The following THNSL1 variants were observed in gnomAD, a reference collection of about 807,000 sequenced individuals.
The protein encoded by THNSL1 is threonine synthase-like 1.
Under a neutral mutation model 50.4 loss-of-function variants are expected in THNSL1, and 48 were observed. The observed-to-expected ratio is 0.95, with a 90% confidence interval of 0.76 to 1.21. The LOEUF is 1.21. THNSL1 is among the 50% of genes most tolerant of loss of function. THNSL1 has a pLI of 0.00. For synonymous variants in THNSL1, 309 were observed against 306.1 expected (o/e 1.01, Z -0.10); for missense variants, 896 against 871.7 (o/e 1.03, Z -0.35).
chr10:24,983,481 GCCTAC>G, the THNSL1 span: 34 of 152,272 alleles, frequency 2.2e-4, no homozygotes, highest in African/African-American at 7.5e-4. Context: ...ACAGCTGTTA[GCCTAC>G]CCTAAATAGC....
At chr10:25,009,959 G>C in the THNSL1 span, among the ~76,000 whole-genome samples, 1 of 152,100 alleles carries the variant, frequency 6.6e-6, no homozygotes, top group Non-Finnish European at 1.5e-5. Flanking sequence ...AGTAGTATGA[G>C]AACAGACTAA....
chr10:24,982,101 AT>A, the THNSL1 span: 1 of 152,212 alleles, frequency 6.6e-6, no homozygotes, highest in South Asian at 2.1e-4. Context: ...CTTCTCCCCC[AT>A]AAGCTTGAAA....
At chr10:24,993,801 G>A in the THNSL1 span, among the ~76,000 whole-genome samples, 3,817 of 152,248 alleles carry the variant, frequency 0.025, 153 homozygotes, top group African/African-American at 0.087. Flanking sequence ...CCTGTTGAAG[G>A]TAGAAAATGC....
upstream of THNSL1, among the ~76,000 whole-genome samples, chr10:25,013,903 T>A (rs952371225): frequency 1.3e-5 from 2 of 151,732 alleles, no homozygotes; most frequent in African/African-American, 4.8e-5. Flanking sequence ...GATGGCGCCA[T>A]TGCACTCCAG....
the THNSL1 span, among the ~76,000 whole-genome samples, chr10:24,978,497 TTCTC>T: frequency 2.7e-5 from 4 of 149,614 alleles, no homozygotes; most frequent in South Asian, 2.1e-4. Flanking sequence ...TTTCTTCTCC[TTCTC>T]TCTCTCTCTC....
At chr10:24,983,414 A>G in the THNSL1 span, 1 of 152,208 alleles carries the variant, frequency 6.6e-6, no homozygotes, top group Admixed American at 6.5e-5. Flanking sequence ...AAGTACTGCT[A>G]TGTTAGCAAG....
chr10:25,024,560 G>C lies in THNSL1; in HGVS notation c.1337G>C (p.Arg446Thr). Reference sequence around the variant, plus strand: ...GATTTTTGCCAGACAGCTATAAAAAGAATTTTTAATGATTCTGATTTTACT... The same window carrying C: ...GATTTTTGCCAGACAGCTATAAAAACAATTTTTAATGATTCTGATTTTACT... The part of the protein sequence containing the change: ...DFDFCQTAIK[R>T]IFNDSDFTGF... The change falls in exon 3 of 3, where the codon AGA (arginine) becomes ACA (threonine). Residue 446 changes from arginine (R) to threonine (T), a missense_variant. By Grantham distance (71) the Arg-to-Thr change is moderately conservative. Coordinates refer to ENST00000376356, the MANE Select transcript of THNSL1 (RefSeq NM_024838.5). 1.9e-6 allele frequency: 3 copies of C among 1,614,092 alleles called. No homozygotes were observed. The highest frequency in any genetic ancestry group is 2.5e-6 in the Non-Finnish European group (3 of 1,179,996).
At chr10:24,977,266 T>C in the THNSL1 span, among the ~76,000 whole-genome samples, 1 of 152,226 alleles carries the variant, frequency 6.6e-6, no homozygotes, top group Non-Finnish European at 1.5e-5. Flanking sequence ...TTTCATACTA[T>C]GGATACTTAT....
the THNSL1 span, among the ~76,000 whole-genome samples, chr10:24,962,269 A>C: frequency 6.6e-6 from 1 of 152,192 alleles, no homozygotes. Flanking sequence ...AAATTACAAG[A>C]ATATCTCTGT....
the THNSL1 span, among the ~76,000 whole-genome samples, chr10:24,955,680 C>T: frequency 6.6e-6 from 1 of 152,204 alleles, no homozygotes; most frequent in Non-Finnish European, 1.5e-5. Context: ...CACCATGGCT[C>T]ACACCTGTAA....
chr10:24,955,144 G>A, the THNSL1 span, among the ~76,000 whole-genome samples: 1 of 152,162 alleles, frequency 6.6e-6, no homozygotes, highest in Non-Finnish European at 1.5e-5. Context: ...CCATGGCAGA[G>A]CAGGAGAGAG....
At chr10:24,954,593 C>T in the THNSL1 span, among the ~76,000 whole-genome samples, 7 of 152,218 alleles carry the variant, frequency 4.6e-5, no homozygotes, top group South Asian at 1.2e-3. Flanking sequence ...CCAACAAGTT[C>T]ACAGTGAAAA....
At chr10:24,995,653 T>C in the THNSL1 span, 9 of 1,609,462 alleles carry the variant, frequency 5.6e-6, 1 homozygote, top group South Asian at 7.8e-5. Context: ...TACCTTTTTA[T>C]TGATGTACTT....
In THNSL1 at chr10:25,024,289, C is replaced by T; in HGVS notation, c.1066C>T (p.Gln356Ter). The T allele has an allele frequency of 6.2e-7, 1 of 1,614,194 alleles. No homozygotes were observed. Residue 356 changes from glutamine to a stop codon, truncating the protein, a stop_gained, in exon 3 of 3, where the codon CAG becomes TAG. Transcript: ENST00000376356. LOFTEE classifies it high-confidence loss of function. The stretch of plus-strand genomic sequence containing the variant: ...AGGATCATTTAAAGATTTGTCTTTA[C>T]AGCTTATGCCTCATATTTTTGCACA... ...PTGSFKDLSLQLMPHIFAHCI... is the reference protein window; with the variant it reads ...PTGSFKDLSL
chr10:24,966,621 G>C, the THNSL1 span, among the ~76,000 whole-genome samples: 1 of 152,176 alleles, frequency 6.6e-6, no homozygotes, highest in Non-Finnish European at 1.5e-5. Context: ...GGTACAAGAA[G>C]GATGCTGGAG....
the THNSL1 span, chr10:24,952,655 TGGGGATGGGGAC>T: frequency 2.2e-5 from 2 of 91,720 alleles, no homozygotes; most frequent in East Asian, 6.5e-4. The surrounding 1 kb of genome is among the most constrained non-coding windows in gnomAD (Gnocchi z 5.1). Context: ...GGATGGGACG[TGGGGATGGGGAC>T]GGGGACGGGG....
the THNSL1 span, among the ~76,000 whole-genome samples, chr10:24,975,531 T>C: frequency 6.6e-6 from 1 of 152,096 alleles, no homozygotes; most frequent in Non-Finnish European, 1.5e-5. Context: ...GGGAGGGAGG[T>C]GATTAAATCA....
At chr10:24,984,283 T>A in the THNSL1 span, 2 of 1,438,636 alleles carry the variant, frequency 1.4e-6, no homozygotes, top group Non-Finnish European at 9.5e-7. Context: ...AAACAATGTG[T>A]TGGAGACAGT....
intron 1 of THNSL1, among the ~76,000 whole-genome samples, chr10:25,019,317 T>C (rs1257739560): frequency 6.6e-6 from 1 of 152,056 alleles, no homozygotes; most frequent in Non-Finnish European, 1.5e-5. Context: ...CTACTAAAAA[T>C]ACTAAAATTA....
Sources: gnomAD v4.1 joint callset for allele counts (sites outside exome capture counted in the v4.1 genomes callset) on GRCh38, gnomAD v4.1.1 for gene constraint, Gnocchi (gnomAD v3.1) non-coding constraint, MANE v1.5 for transcripts, NCBI Gene and HGNC (gene_info 2026-07-23, HGNC 2026-07-21) for gene names.